The following NAV2 variants were observed in gnomAD, a reference collection of about 807,000 sequenced individuals.
NAV2 encodes neuron navigator 2.
In NAV2, 54 loss-of-function variants were observed where a neutral mutation model predicts 223.2. The observed-to-expected ratio is 0.24, with a 90% CI of 0.19 to 0.30. NAV2 has a LOEUF of 0.30. Ranked by LOEUF, NAV2 falls within the 10% of genes least tolerant of loss-of-function variation. The pLI is 1.00. For synonymous variants in NAV2, 1,279 were observed against 1,239.3 expected, an observed-to-expected ratio of 1.03 and a Z score of -0.67; for missense variants, 2,806 against 3,147.5, an observed-to-expected ratio of 0.89 and a Z score of 2.60.
chr11:19,814,339 G>C (rs150850633), intron 1 of NAV2, among the ~76,000 whole-genome samples: 1 of 152,122 alleles, frequency 6.6e-6, no homozygotes, highest in African/African-American at 2.4e-5. Context: ...GCAATTTCCT[G>C]TTCAGTGAGA....
intron 1 of NAV2, among the ~76,000 whole-genome samples, chr11:19,520,510 G>T (rs1171041353): frequency 1.3e-5 from 2 of 152,196 alleles, no homozygotes; most frequent in Non-Finnish European, 2.9e-5. Flanking sequence ...ACCTCACTGT[G>T]TGTTTCAGCC....
intron 6 of NAV2, among the ~76,000 whole-genome samples, chr11:19,893,798 CTCT>C (rs1330685781): frequency 1.3e-5 from 2 of 152,188 alleles, no homozygotes; most frequent in Non-Finnish European, 2.9e-5. Flanking sequence ...ACCATTGTTA[CTCT>C]TCTTCTCTCT....
chr11:19,849,979 G>C (rs114266761), intron 3 of NAV2, among the ~76,000 whole-genome samples: 1 of 151,988 alleles, frequency 6.6e-6, no homozygotes, highest in Admixed American at 6.6e-5. Flanking sequence ...TCTTTAGCAC[G>C]GAATAGAAGA....
At chr11:20,087,880 G>C (rs777646696) in intron 26 of NAV2, among the ~76,000 whole-genome samples, 3 of 152,084 alleles carry the variant, frequency 2.0e-5, no homozygotes, top group Non-Finnish European at 4.4e-5. Context: ...CATGGAGTGA[G>C]TAATGTACAA....
chr11:19,955,444 A>G (rs936233470), intron 10 of NAV2, among the ~76,000 whole-genome samples: 5 of 152,208 alleles, frequency 3.3e-5, no homozygotes, highest in African/African-American at 1.2e-4. Flanking sequence ...TGGCAAGGCC[A>G]ACCATATTCC....
At chr11:19,675,369 A>G (rs2048686686) in intron 1 of NAV2, among the ~76,000 whole-genome samples, 1 of 152,194 alleles carries the variant, frequency 6.6e-6, no homozygotes, top group African/African-American at 2.4e-5. Context: ...CTCCCTTCTC[A>G]GAGAAGCCTT....
At chr11:19,583,214 T>C (rs1035725453) in intron 1 of NAV2, among the ~76,000 whole-genome samples, 13 of 152,244 alleles carry the variant, frequency 8.5e-5, no homozygotes, top group African/African-American at 3.1e-4. Context: ...TTGTGATTTT[T>C]GCACATTGAT....
At chr11:19,934,349 G>T (rs2045655487) in intron 7 of NAV2, 72 bp downstream of exon 7, 2 of 1,473,594 alleles carry the variant, frequency 1.4e-6, no homozygotes, top group Non-Finnish European at 9.0e-7. Flanking sequence ...TTCCGGGTCT[G>T]TAAGGGCAGA....
intron 6 of NAV2, among the ~76,000 whole-genome samples, chr11:19,931,594 T>G (rs1407352795): frequency 2.5e-5 from 1 of 39,388 alleles, no homozygotes; most frequent in Non-Finnish European, 6.8e-5. Context: ...ACATAGGTAT[T>G]TAAAAAAAAA....
At chr11:19,383,157 C>G (rs943696071) in intron 1 of NAV2, among the ~76,000 whole-genome samples, 3 of 152,206 alleles carry the variant, frequency 2.0e-5, no homozygotes, top group African/African-American at 7.2e-5. Flanking sequence ...TCTCTATTCT[C>G]TCTGTCCTGG....
intron 8 of NAV2, among the ~76,000 whole-genome samples, chr11:19,944,635 CT>C (rs1259900666): frequency 8.6e-5 from 8 of 93,466 alleles, no homozygotes; most frequent in African/African-American, 2.6e-4. Flanking sequence ...TTTTTCTTTC[CT>C]TTTCTCTTTT....
rs569634870 is a variant in NAV2, at chr11:19,509,761, G to A, written c.75+158734G>A. 1.6e-3 allele frequency among the ~76,000 whole-genome samples: 243 copies of A among 152,168 alleles called. 2 individuals carry two copies. Among genetic ancestry groups the A allele is most frequent in the African/African-American group, 5.6e-3 (231 of 41,494 alleles). Reference sequence around the variant, plus strand: ...GAATCACTGCCCCTAAAACTCTAAGGAGAAAATGAAATTTTATTCTAATGC... The same window carrying A: ...GAATCACTGCCCCTAAAACTCTAAGAAGAAAATGAAATTTTATTCTAATGC... On this transcript the variant is annotated intron_variant, in intron 1 of 37. Coordinates refer to the NAV2 transcript ENST00000360655.
chr11:20,008,574 T>G (rs1332853347), intron 11 of NAV2, among the ~76,000 whole-genome samples: 1 of 152,178 alleles, frequency 6.6e-6, no homozygotes, highest in Non-Finnish European at 1.5e-5. Context: ...GAGGCTCAGA[T>G]GAAAGTCATT....
intron 7 of NAV2, among the ~76,000 whole-genome samples, chr11:19,936,024 TA>T (rs1591318913): frequency 8.8e-6 from 1 of 113,430 alleles, no homozygotes; most frequent in Non-Finnish European, 1.8e-5. Context: ...CATGCCTGGC[TA>T]ATTTTTTTTT....
chr11:20,064,774 A>ATACTTT (rs1358830024), intron 20 of NAV2, among the ~76,000 whole-genome samples: 12 of 152,174 alleles, frequency 7.9e-5, no homozygotes, highest in African/African-American at 2.4e-4. Context: ...CCTAATAATA[A>ATACTTT]TACTTTTGAA....
At position 19,908,160 on chromosome 11, in the gene NAV2, G is replaced by A. The variant is rs559295781; in HGVS notation, c.931+15566G>A. Among the ~76,000 whole-genome samples the A allele has an allele frequency of 3.3e-5, 5 of 152,344 alleles. No individual in the cohort carries two copies. The East Asian group carries it at 9.6e-4, about 29-fold the overall frequency. On this transcript the variant is annotated intron_variant, in intron 6 of 37. Transcript: ENST00000349880. Reference sequence around the variant, plus strand: ...CTCAGATCACCTTCTCAGATGTAACGCTTCAGAAATCATCAAACGGCTAAG... The same window carrying A: ...CTCAGATCACCTTCTCAGATGTAACACTTCAGAAATCATCAAACGGCTAAG...
intron 1 of NAV2, among the ~76,000 whole-genome samples, chr11:19,595,170 C>A (rs1468943881): frequency 1.3e-5 from 2 of 152,246 alleles, no homozygotes; most frequent in Admixed American, 6.5e-5. Flanking sequence ...GTTTATCCAC[C>A]ATCTTCCAGT....
intron 1 of NAV2, among the ~76,000 whole-genome samples, chr11:19,552,059 C>A (rs1482918554): frequency 6.6e-6 from 1 of 152,160 alleles, no homozygotes; most frequent in East Asian, 1.9e-4. Flanking sequence ...ATTGATGAGG[C>A]CTGTGCTCTA....
intron 1 of NAV2, among the ~76,000 whole-genome samples, chr11:19,630,939 GA>G (rs1199246744): frequency 4.9e-4 from 55 of 113,358 alleles, no homozygotes; most frequent in African/African-American, 2.1e-3. Context: ...AAAAAAAAAG[GA>G]AAAAAGAAAA....
Sources: gnomAD v4.1 joint callset for allele counts (sites outside exome capture counted in the v4.1 genomes callset) on GRCh38, gnomAD v4.1.1 for gene constraint, MANE v1.5 for transcripts, NCBI Gene and HGNC (gene_info 2026-07-23, HGNC 2026-07-21) for gene names.